Variants in SIL1 observed in about 807,000 individuals in gnomAD.
SIL1 encodes the protein SIL1 nucleotide exchange factor, also known as nucleotide exchange factor SIL1.
Under a neutral mutation model 49.1 loss-of-function variants are expected in SIL1, and 40 were observed. The ratio of observed to expected loss-of-function variants is 0.81; its 90% CI spans 0.63 to 1.06. The LOEUF (loss-of-function observed/expected upper bound fraction) is 1.06. Among genes scored for constraint, SIL1 ranks in the 50% least tolerant of loss-of-function variants. The pLI, the probability that SIL1 is intolerant of heterozygous loss-of-function variation, is 0.00. For synonymous variants in SIL1, 253 were observed against 250.8 expected (o/e 1.01, Z -0.08); for missense variants, 500 against 572.6 (o/e 0.87, Z 1.29).
intron 1 of SIL1, among the ~76,000 whole-genome samples, chr5:139,171,510 G>T (rs370631338): frequency 1.3e-4 from 20 of 152,060 alleles, no homozygotes; most frequent in Non-Finnish European, 2.1e-4. Context: ...CAGCGTGCTC[G>T]TTAAGAATCA....
intron 7 of SIL1, among the ~76,000 whole-genome samples, chr5:138,999,069 C>A (rs1767933871): frequency 6.6e-6 from 1 of 152,024 alleles, no homozygotes; most frequent in Non-Finnish European, 1.5e-5. Flanking sequence ...GTTGGCCAGG[C>A]TGGTCTCAAA....
chr5:138,965,254 T>C (rs930783867), intron 7 of SIL1, among the ~76,000 whole-genome samples: 21 of 152,334 alleles, frequency 1.4e-4, no homozygotes, highest in African/African-American at 5.1e-4. Context: ...AATCGGGTGT[T>C]AGAAATAGTC....
intron 3 of SIL1, among the ~76,000 whole-genome samples, chr5:139,074,773 C>T (rs1769908217): frequency 6.6e-6 from 1 of 152,060 alleles, no homozygotes; most frequent in Non-Finnish European, 1.5e-5. Flanking sequence ...GAATCATTTC[C>T]CTTCATCCCC....
chr5:139,056,222 T>C (rs1156918664), intron 3 of SIL1, among the ~76,000 whole-genome samples: 1 of 145,458 alleles, frequency 6.9e-6, no homozygotes, highest in Non-Finnish European at 1.5e-5. Flanking sequence ...ATCTAGGAAG[T>C]GAGGAGCGCC....
chr5:139,118,524 T>G (rs1750530342), intron 3 of SIL1, among the ~76,000 whole-genome samples: 1 of 152,182 alleles, frequency 6.6e-6, no homozygotes, highest in South Asian at 2.1e-4. Flanking sequence ...ATTCTGTGAC[T>G]TGCCCAAGAT....
At chr5:138,968,724 G>A (rs1580991911) in intron 7 of SIL1, among the ~76,000 whole-genome samples, 1 of 152,282 alleles carries the variant, frequency 6.6e-6, no homozygotes, top group East Asian at 1.9e-4. Context: ...CACTCTAGAT[G>A]GTAGAGCCCA....
At chr5:139,067,075 T>C (rs1769722106) in intron 3 of SIL1, among the ~76,000 whole-genome samples, 1 of 152,206 alleles carries the variant, frequency 6.6e-6, no homozygotes, top group Non-Finnish European at 1.5e-5. Context: ...CGAATGTCCA[T>C]TGTGTATATG....
chr5:139,085,144 A>G (rs1293782506), intron 3 of SIL1, among the ~76,000 whole-genome samples: 4 of 152,164 alleles, frequency 2.6e-5, no homozygotes, highest in African/African-American at 7.2e-5. Flanking sequence ...AGAAGGAGAG[A>G]AGAGAAAAAG....
intron 7 of SIL1, among the ~76,000 whole-genome samples, chr5:139,003,410 G>C (rs1031390865): frequency 6.6e-6 from 1 of 152,182 alleles, no homozygotes; most frequent in African/African-American, 2.4e-5. Context: ...CACCAAGCTG[G>C]AAGCAGGCAG....
intron 7 of SIL1, among the ~76,000 whole-genome samples, chr5:138,979,498 G>C (rs967177286): frequency 3.3e-5 from 5 of 151,848 alleles, no homozygotes; most frequent in Admixed American, 3.3e-4. Context: ...AGGTAGTCAT[G>C]ACTTTTTTAA....
chr5:138,963,136 G>C (rs942148948), intron 7 of SIL1, among the ~76,000 whole-genome samples: 5 of 152,198 alleles, frequency 3.3e-5, no homozygotes, highest in African/African-American at 1.2e-4. Context: ...CTATCCCCAT[G>C]TCTGGTGGCT....
chr5:139,121,440 T>C (rs111761028), intron 2 of SIL1, among the ~76,000 whole-genome samples: 105 of 152,298 alleles, frequency 6.9e-4, no homozygotes, highest in African/African-American at 2.1e-3. Context: ...ATCCCATGTA[T>C]CTTGAGCAGG....
intron 1 of SIL1, among the ~76,000 whole-genome samples, chr5:139,129,804 C>T (rs78611238): frequency 0.02 from 2,982 of 152,250 alleles, 100 homozygotes; most frequent in African/African-American, 0.068. Context: ...GTAATCTTAA[C>T]GACCTTGGAT....
chr5:139,137,463 A>G (rs529126486), intron 1 of SIL1: 4 of 602,240 alleles, frequency 6.6e-6, no homozygotes, highest in Non-Finnish European at 9.0e-6. Context: ...TGGACTCATC[A>G]TTTTATTTGT....
At chr5:139,055,946 T>C (rs1769407514) in intron 3 of SIL1, among the ~76,000 whole-genome samples, 1 of 152,082 alleles carries the variant, frequency 6.6e-6, no homozygotes, top group Non-Finnish European at 1.5e-5. Context: ...GTGCCGGGAT[T>C]GCAGACAGAG....
intron 3 of SIL1, among the ~76,000 whole-genome samples, chr5:139,085,353 C>T (rs1459987625): frequency 6.6e-6 from 1 of 152,130 alleles, no homozygotes; most frequent in Admixed American, 6.5e-5. Flanking sequence ...TGGGAAACCA[C>T]TTCGGTTTCT....
intron 3 of SIL1, among the ~76,000 whole-genome samples, chr5:139,109,746 A>G (rs1331714007): frequency 2.0e-5 from 3 of 147,954 alleles, no homozygotes; most frequent in Non-Finnish European, 4.5e-5. Context: ...TCCAACTGCT[A>G]GACTGGAATT....
At chr5:139,129,024 G>A (rs1184263609) in intron 1 of SIL1, among the ~76,000 whole-genome samples, 1 of 152,176 alleles carries the variant, frequency 6.6e-6, no homozygotes, top group Non-Finnish European at 1.5e-5. Flanking sequence ...GCACATGCCT[G>A]TAGTCCCAGC....
At chr5:139,055,116 G>T (rs1769377076) in intron 3 of SIL1, among the ~76,000 whole-genome samples, 1 of 152,120 alleles carries the variant, frequency 6.6e-6, no homozygotes, top group Admixed American at 6.5e-5. Flanking sequence ...ATCCAGGAAG[G>T]CAAACAGGCC....
Sources: allele counts gnomAD v4.1 joint callset (sites outside exome capture counted in the v4.1 genomes callset), GRCh38; gene constraint gnomAD v4.1.1; transcripts MANE v1.5; gene names NCBI Gene and HGNC (gene_info 2026-07-23, HGNC 2026-07-21).